Variants in GNAQ observed in about 807,000 individuals in gnomAD.
GNAQ encodes guanine nucleotide-binding protein G(q) subunit alpha.
In GNAQ, 8 loss-of-function variants were observed where a neutral mutation model predicts 43.9. That is an observed-to-expected ratio of 0.18 (90% CI 0.11 to 0.33). The LOEUF (loss-of-function observed/expected upper bound fraction) is 0.33, where lower values mean the gene tolerates loss of function less well. GNAQ is among the 10% of genes least tolerant of loss of function. GNAQ has a pLI of 1.00. For synonymous variants in GNAQ, 155 were observed against 170.7 expected (o/e 0.91, Z 0.71); for missense variants, 158 against 450.8 (o/e 0.35, Z 5.88).
chr9:77,897,815 C>G (rs1027879546), intron 2 of GNAQ, among the ~76,000 whole-genome samples: 2 of 151,986 alleles, frequency 1.3e-5, no homozygotes, highest in African/African-American at 4.8e-5. Context: ...TGGGACTTCC[C>G]CTGCCCCACT....
intron 2 of GNAQ, among the ~76,000 whole-genome samples, chr9:77,877,246 T>C (rs1828139810): frequency 6.6e-6 from 1 of 152,200 alleles, no homozygotes; most frequent in Admixed American, 6.5e-5. Context: ...CTCATATAAT[T>C]TGTTTATAAT....
intron 5 of GNAQ, among the ~76,000 whole-genome samples, chr9:77,755,407 T>G (rs1215374400): frequency 1.3e-5 from 2 of 152,214 alleles, no homozygotes; most frequent in African/African-American, 4.8e-5. Flanking sequence ...TTGAGGTGGA[T>G]ATCCCACTTA....
intron 1 of GNAQ, among the ~76,000 whole-genome samples, chr9:77,984,212 C>A (rs1382777692): frequency 6.6e-6 from 1 of 151,306 alleles, no homozygotes; most frequent in Non-Finnish European, 1.5e-5. Flanking sequence ...CACTGTCACC[C>A]AGGCTGGAGT....
chr9:77,784,112 T>G (rs1826439221), intron 5 of GNAQ, among the ~76,000 whole-genome samples: 1 of 122,780 alleles, frequency 8.1e-6, no homozygotes, highest in Non-Finnish European at 1.7e-5. Flanking sequence ...AAATTTTTGT[T>G]TTTTTTTCCT....
intron 5 of GNAQ, among the ~76,000 whole-genome samples, chr9:77,737,755 ACT>A (rs1825596290): frequency 6.6e-6 from 1 of 152,170 alleles, no homozygotes; most frequent in South Asian, 2.1e-4. Flanking sequence ...GAATGGGTGG[ACT>A]CTAATTTTGA....
intron 5 of GNAQ, among the ~76,000 whole-genome samples, chr9:77,772,793 T>C (rs7867999): frequency 0.012 from 1,865 of 152,292 alleles, 38 homozygotes; most frequent in African/African-American, 0.041. Flanking sequence ...ATAACAAATA[T>C]ATGTTATAGA....
intron 1 of GNAQ, among the ~76,000 whole-genome samples, chr9:77,986,749 C>T (rs1029796831): frequency 5.0e-4 from 75 of 151,216 alleles, no homozygotes; most frequent in African/African-American, 1.7e-3. Flanking sequence ...TCAATCTTCT[C>T]ACCTTGGCCT....
At chr9:77,819,184 A>C (rs1231576308) in intron 2 of GNAQ, among the ~76,000 whole-genome samples, 1 of 152,164 alleles carries the variant, frequency 6.6e-6, no homozygotes, top group Non-Finnish European at 1.5e-5. Context: ...CAAGGCTTAG[A>C]GGGAACATTG....
At chr9:77,935,678 G>A (rs947381724) in intron 1 of GNAQ, among the ~76,000 whole-genome samples, 35 of 152,260 alleles carry the variant, frequency 2.3e-4, no homozygotes, top group African/African-American at 7.9e-4. Flanking sequence ...ATGTCAAGAC[G>A]ATTTCACCAG....
intron 1 of GNAQ, among the ~76,000 whole-genome samples, chr9:78,012,116 G>C (rs1309282962): frequency 6.6e-6 from 1 of 152,136 alleles, no homozygotes; most frequent in Non-Finnish European, 1.5e-5. Flanking sequence ...TCTATCTGCT[G>C]GGAAACAATG....
At chr9:78,029,892 G>T (rs2118627661) in intron 1 of GNAQ, among the ~76,000 whole-genome samples, 1 of 152,218 alleles carries the variant, frequency 6.6e-6, no homozygotes, top group East Asian at 1.9e-4. Context: ...CATTTTTCAG[G>T]CCCGTTACTG....
chr9:77,882,937 G>A (rs1587385126), intron 2 of GNAQ, among the ~76,000 whole-genome samples: 1 of 152,158 alleles, frequency 6.6e-6, no homozygotes, highest in East Asian at 1.9e-4. Context: ...TAAGTCTATT[G>A]TTGTTACCAA....
intron 4 of GNAQ, among the ~76,000 whole-genome samples, chr9:77,796,384 T>C (rs1442866347): frequency 6.6e-6 from 1 of 152,184 alleles, no homozygotes; most frequent in East Asian, 1.9e-4. Context: ...CCATCTTCAA[T>C]GGGGTGGGCG....
At chr9:77,919,506 G>A (rs1295429234) in intron 2 of GNAQ, among the ~76,000 whole-genome samples, 1 of 152,144 alleles carries the variant, frequency 6.6e-6, no homozygotes, top group Non-Finnish European at 1.5e-5. Flanking sequence ...AGAAGAGGCA[G>A]CTGAGCTGAA....
intron 1 of GNAQ, among the ~76,000 whole-genome samples, chr9:78,019,154 T>C (rs938946944): frequency 2.6e-5 from 4 of 152,200 alleles, no homozygotes; most frequent in South Asian, 2.1e-4. Flanking sequence ...CAAGATGTAT[T>C]GGATAAGGAA....
rs528938110 is a variant in GNAQ at position 78,015,834 on chromosome 9, T to G, written c.136+15266A>C. On this transcript the variant is annotated intron_variant, in intron 1 of 6. Transcript: ENST00000286548. Reference sequence around the variant, plus strand: ...GATAAGAATGCTACATAGGGACATGTAATAAAATGCAAAGCCTTAAACACT... The same window carrying G: ...GATAAGAATGCTACATAGGGACATGGAATAAAATGCAAAGCCTTAAACACT... 1.7e-3 allele frequency among the ~76,000 whole-genome samples: 261 copies of G among 152,238 alleles called. 1 individual carries two copies. The highest frequency in any genetic ancestry group is 6.0e-3 in the African/African-American group (248 of 41,564).
intron 1 of GNAQ, among the ~76,000 whole-genome samples, chr9:78,029,361 T>G (rs1824020515): frequency 7.2e-6 from 1 of 138,530 alleles, no homozygotes; most frequent in African/African-American, 2.7e-5. Context: ...ATTATACACT[T>G]AAAACACTCT....
chr9:78,013,914 T>C (rs1255602809), intron 1 of GNAQ, among the ~76,000 whole-genome samples: 1 of 152,172 alleles, frequency 6.6e-6, no homozygotes, highest in Non-Finnish European at 1.5e-5. Flanking sequence ...ATGTTTACTA[T>C]CTAACCCTTA....
chr9:77,847,035 C>T (rs928774242), intron 2 of GNAQ, among the ~76,000 whole-genome samples: 2 of 152,234 alleles, frequency 1.3e-5, no homozygotes, highest in South Asian at 2.1e-4. Context: ...GAACTGTGGT[C>T]GCTGAGATAG....
Sources: gnomAD v4.1 joint callset for allele counts (sites outside exome capture counted in the v4.1 genomes callset) on GRCh38, gnomAD v4.1.1 for gene constraint, MANE v1.5 for transcripts, NCBI Gene and HGNC (gene_info 2026-07-23, HGNC 2026-07-21) for gene names.